The following COL24A1 variants were observed in gnomAD, a reference collection of about 807,000 sequenced individuals.
The protein encoded by COL24A1 is collagen alpha-1(XXIV) chain.
In COL24A1, 224 loss-of-function variants were observed where a neutral mutation model predicts 253.9. That is an observed-to-expected ratio of 0.88 (90% CI 0.79 to 0.99). COL24A1 has a LOEUF of 0.99. Ranked by LOEUF, COL24A1 falls within the 50% of genes least tolerant of loss-of-function variation. COL24A1 has a pLI of 0.00. For missense variants in COL24A1, 2,131 were observed against 2,068.5 expected (o/e 1.03, Z -0.59); for synonymous variants, 685 against 673.7 (o/e 1.02, Z -0.26).
At chr1:86,110,459 C>T (rs920694383) in intron 5 of COL24A1, among the ~76,000 whole-genome samples, 5 of 152,084 alleles carry the variant, frequency 3.3e-5, no homozygotes, top group African/African-American at 4.8e-5. Context: ...ACTCTGGCCG[C>T]GCTTGAGGAG....
At chr1:86,088,739 A>G (rs36170115) in intron 7 of COL24A1, among the ~76,000 whole-genome samples, 2,437 of 152,136 alleles carry the variant, frequency 0.016, 35 homozygotes, top group Middle Eastern at 0.058. Context: ...ACAAATCCAT[A>G]TGTATTACCT....
intron 13 of COL24A1, among the ~76,000 whole-genome samples, chr1:86,032,127 T>A (rs1698623882): frequency 6.6e-6 from 1 of 152,184 alleles, no homozygotes; most frequent in Non-Finnish European, 1.5e-5. Context: ...ACAAGTGCCC[T>A]TGGCTAAATG....
At chr1:85,986,522 G>A (rs577416815) in intron 20 of COL24A1, among the ~76,000 whole-genome samples, 6 of 151,940 alleles carry the variant, frequency 3.9e-5, no homozygotes, top group African/African-American at 1.4e-4. Flanking sequence ...TCAAAGCTAA[G>A]GGTATTAGAG....
rs565137187 is a variant in COL24A1 at position 85,770,519 on chromosome 1, A to T, written c.4374+5155T>A. Among the ~76,000 whole-genome samples the T allele has an allele frequency of 8.1e-5, 9 of 110,892 alleles. No homozygotes were observed. The South Asian group carries it at 2.4e-3, about 30-fold the overall frequency. The allele number at this position is 110,892 out of a possible 152,430, so 72.7% of individuals were successfully genotyped here. ...AGTAGATGTTAGCTTCTCTTGCAAT[A>T]AAAAAAAAACAAAAGGATGGGTAAT... On this transcript the variant is annotated intron_variant, in intron 53 of 59. Transcript: ENST00000370571.
intron 24 of COL24A1, among the ~76,000 whole-genome samples, chr1:85,923,647 A>T (rs1686814562): frequency 6.6e-6 from 1 of 152,206 alleles, no homozygotes; most frequent in Admixed American, 6.5e-5. Flanking sequence ...AACGTACCGG[A>T]ATCTCTGGGA....
intron 39 of COL24A1, among the ~76,000 whole-genome samples, chr1:85,845,019 A>G (rs1677019211): frequency 6.6e-6 from 1 of 151,990 alleles, no homozygotes; most frequent in South Asian, 2.1e-4. Flanking sequence ...GATGGAATGA[A>G]GAACGATGGA....
At chr1:85,770,144 T>A (rs1483681523) in intron 53 of COL24A1, among the ~76,000 whole-genome samples, 1 of 152,172 alleles carries the variant, frequency 6.6e-6, no homozygotes, top group East Asian at 1.9e-4. Flanking sequence ...TTACAATAAA[T>A]CTGCTGAGAA....
At chr1:85,866,213 A>G (rs955654521) in intron 37 of COL24A1, among the ~76,000 whole-genome samples, 1 of 152,188 alleles carries the variant, frequency 6.6e-6, no homozygotes, top group Non-Finnish European at 1.5e-5. Flanking sequence ...CAGTGAGCCA[A>G]GATCGTGCCA....
At chr1:85,961,724 T>C (rs1691086205) in intron 23 of COL24A1, among the ~76,000 whole-genome samples, 1 of 152,144 alleles carries the variant, frequency 6.6e-6, no homozygotes, top group Admixed American at 6.5e-5. Flanking sequence ...TCAGGAAGCT[T>C]ACAATCATGA....
chr1:85,732,962 G>A (rs1663662151), intron 59 of COL24A1, among the ~76,000 whole-genome samples: 1 of 152,148 alleles, frequency 6.6e-6, no homozygotes, highest in South Asian at 2.1e-4. Flanking sequence ...AAAGCAGGCT[G>A]GGGTCTGGTT....
At chr1:85,853,461 A>G (rs1271384203) in intron 37 of COL24A1, among the ~76,000 whole-genome samples, 1 of 152,152 alleles carries the variant, frequency 6.6e-6, no homozygotes, top group Admixed American at 6.5e-5. Flanking sequence ...ATGGTAGAAC[A>G]GTTTATATTC....
At chr1:85,994,249 G>A (rs544926991) in intron 19 of COL24A1, among the ~76,000 whole-genome samples, 77 of 151,698 alleles carry the variant, frequency 5.1e-4, no homozygotes, top group Non-Finnish European at 8.6e-4. Flanking sequence ...ATTCTTGAGG[G>A]CAAAGTTATG....
In COL24A1 at chr1:85,740,005, G is replaced by A. The variant is rs1664438848; in HGVS notation, c.4673-2500C>T. On this transcript the variant is annotated intron_variant, in intron 57 of 59. Coordinates refer to ENST00000370571, the MANE Select transcript of COL24A1 (RefSeq NM_152890.7). ...TTTTCATTGCCCCTAATGATCATATGTTCACTTCCCTTCTTACCCAGCTTA... is the reference window on the plus strand; with the variant it reads ...TTTTCATTGCCCCTAATGATCATATATTCACTTCCCTTCTTACCCAGCTTA... Among the ~76,000 whole-genome samples, 6 of 152,066 alleles carry A rather than the reference G, an allele frequency of 3.9e-5. No homozygotes were observed. The South Asian group carries it at 1.2e-3, about 32-fold the overall frequency.
chr1:85,987,326 T>C (rs1313194931), intron 20 of COL24A1, among the ~76,000 whole-genome samples: 1 of 151,832 alleles, frequency 6.6e-6, no homozygotes, highest in African/African-American at 2.4e-5. Flanking sequence ...CAGCCTTTTA[T>C]ACGCTATGAC....
At position 85,908,600 on chromosome 1, in the gene COL24A1, G is replaced by T; in HGVS notation, c.2722C>A (p.Pro908Thr). ...VPGPIGPLGL[P>T]GHVGARGPPG... ...CATAAAGTCTTTCCTGTACTTACAG[G>T]TAATCCCAATGGACCGATAGGTCCT... is the stretch of plus-strand genomic sequence containing the variant. Residue 908 changes from proline to threonine, a missense_variant and splice_region_variant, in exon 27 of 60, where the codon CCT becomes ACT. By Grantham distance (38) the Pro-to-Thr change is conservative. Transcript: ENST00000370571. The T allele has an allele frequency of 1.4e-6, 2 of 1,468,134 alleles. No homozygotes were observed. The highest frequency in any genetic ancestry group is 2.9e-5 in the African/African-American group (2 of 69,190). The allele number at this position is 1,468,134 out of a possible 1,614,324, so 90.9% of individuals were successfully genotyped here.
chr1:85,777,686 A>T (rs531146701), intron 52 of COL24A1, among the ~76,000 whole-genome samples: 8 of 152,286 alleles, frequency 5.3e-5, no homozygotes, highest in African/African-American at 1.9e-4. Flanking sequence ...AAATTCCTCC[A>T]AGTGGAACTG....
At chr1:86,144,421 C>G (rs1355318639) in intron 2 of COL24A1, among the ~76,000 whole-genome samples, 5 of 152,008 alleles carry the variant, frequency 3.3e-5, no homozygotes, top group Admixed American at 2.6e-4. Context: ...AACTGTGAAG[C>G]TAGAGGACGT....
intron 37 of COL24A1, among the ~76,000 whole-genome samples, chr1:85,863,918 T>C (rs1212563462): frequency 6.6e-6 from 1 of 152,062 alleles, no homozygotes; most frequent in Non-Finnish European, 1.5e-5. Flanking sequence ...GAGAGAAGGA[T>C]GTAGAGAAAT....
intron 18 of COL24A1, among the ~76,000 whole-genome samples, chr1:86,021,784 C>T (rs561762007): frequency 3.3e-5 from 5 of 150,814 alleles, no homozygotes; most frequent in East Asian, 2.0e-4. Context: ...CTTTTTCTTT[C>T]GTCTAATTGA....
Sources: gnomAD v4.1 joint callset for allele counts (sites outside exome capture counted in the v4.1 genomes callset) on GRCh38, gnomAD v4.1.1 for gene constraint, MANE v1.5 for transcripts, NCBI Gene and HGNC (gene_info 2026-07-23, HGNC 2026-07-21) for gene names.